HMGA2: variants seen among roughly 807,000 people sequenced by gnomAD.
HMGA2 encodes high mobility group AT-hook 2.
Under a neutral mutation model 19.1 loss-of-function variants are expected in HMGA2, and 8 were observed. The ratio of observed to expected loss-of-function variants is 0.42; its 90% CI spans 0.25 to 0.76. HMGA2 has a LOEUF of 0.76. Ranked by LOEUF, HMGA2 falls within the 30% of genes least tolerant of loss-of-function variation. HMGA2 has a pLI of 0.28. For missense variants in HMGA2, 109 were observed against 136.3 expected (o/e 0.80, Z 1.00); for synonymous variants, 60 against 48.8 (o/e 1.23, Z -0.96).
At chr12:65,913,936 A>G (rs1874957629) in intron 3 of HMGA2, among the ~76,000 whole-genome samples, 2 of 152,212 alleles carry the variant, frequency 1.3e-5, no homozygotes, top group Admixed American at 6.5e-5. Flanking sequence ...GTTGAACACA[A>G]TGTTGAGAAT....
chr12:65,852,594 C>G (rs1796450698), intron 3 of HMGA2, among the ~76,000 whole-genome samples: 1 of 152,154 alleles, frequency 6.6e-6, no homozygotes, highest in African/African-American at 2.4e-5. Context: ...TAACACTTAG[C>G]TTGCTATCTT....
At position 65,920,015 on chromosome 12, in the gene HMGA2, A is replaced by G. The variant is rs539719411; in HGVS notation, c.250-31368A>G. Among the ~76,000 whole-genome samples, 330 of 152,312 alleles carry G rather than the reference A, an allele frequency of 2.2e-3. 1 individual carries two copies. Among genetic ancestry groups the G allele is most frequent in the Middle Eastern group, 0.01 (3 of 294 alleles). The stretch of plus-strand genomic sequence containing the variant: ...TCCGGGAAGCTGATGTTTGGGAGAA[A>G]ATCATTTAGTTGTGGATGAAGTGAG... On this transcript the variant is annotated intron_variant, in intron 3 of 4. Transcript: ENST00000403681.
intron 4 of HMGA2, chr12:65,955,216 G>GT (rs1482150028): frequency 1.3e-5 from 2 of 151,982 alleles, no homozygotes; most frequent in Admixed American, 6.6e-5. Context: ...AAAGCAGCTC[G>GT]TTTTTTAGCA....
intron 3 of HMGA2, among the ~76,000 whole-genome samples, chr12:65,934,095 T>C (rs535044081): frequency 2.2e-4 from 34 of 152,312 alleles, no homozygotes; most frequent in African/African-American, 7.5e-4. Context: ...CCTCAAAGAA[T>C]AGGGAATTCT....
At chr12:65,922,263 C>G (rs149375493) in intron 3 of HMGA2, among the ~76,000 whole-genome samples, 1,602 of 152,248 alleles carry the variant, frequency 0.011, 26 homozygotes, top group African/African-American at 0.037. Flanking sequence ...AACACCAGCC[C>G]ATGAAAGCAG....
chr12:65,859,827 T>C (rs1014543940), intron 3 of HMGA2: 37 of 216,140 alleles, frequency 1.7e-4, no homozygotes, highest in African/African-American at 7.0e-4. Flanking sequence ...CTTACTCTTG[T>C]AGTCCCAGCA....
intron 3 of HMGA2, among the ~76,000 whole-genome samples, chr12:65,884,082 T>A (rs1873557337): frequency 6.6e-6 from 1 of 152,186 alleles, no homozygotes; most frequent in Non-Finnish European, 1.5e-5. Flanking sequence ...GCCAGGTTGG[T>A]CTTGAACTCC....
chr12:65,892,569 T>C (rs1003512915), intron 3 of HMGA2, among the ~76,000 whole-genome samples: 2 of 152,214 alleles, frequency 1.3e-5, no homozygotes, highest in African/African-American at 4.8e-5. Context: ...AAGGTCTCAG[T>C]TGGATCGCTT....
intron 3 of HMGA2, among the ~76,000 whole-genome samples, chr12:65,940,893 G>A (rs1876071163): frequency 6.6e-6 from 1 of 152,136 alleles, no homozygotes; most frequent in African/African-American, 2.4e-5. Flanking sequence ...TACAAACTAT[G>A]TGTCACTGTT....
chr12:65,952,314 C>T, intron 4 of HMGA2: 1 of 1,451,888 alleles, frequency 6.9e-7, no homozygotes, highest in South Asian at 1.2e-5. Context: ...ATTTTTTTCC[C>T]TAGAAGTCTT....
At chr12:65,935,744 C>CT (rs556648196) in intron 3 of HMGA2, among the ~76,000 whole-genome samples, 28 of 151,216 alleles carry the variant, frequency 1.9e-4, no homozygotes, top group African/African-American at 1.7e-4. Context: ...GAAAAAGAAG[C>CT]TTTTTTTTTC....
At position 65,824,564 on chromosome 12, in the gene HMGA2, C is replaced by T. The variant is rs1260040952; in HGVS notation, c.-707C>T. On this transcript the variant is annotated 5_prime_UTR_variant, in exon 1 of 5. Coordinates refer to ENST00000403681, the MANE Select transcript of HMGA2 (RefSeq NM_003483.6). ...CCGTCCCCCTCCGACTCTCCGGTGCCGCCGCTGCCTGCTCCCGCCACCCTA... is the reference window on the plus strand; with the variant it reads ...CCGTCCCCCTCCGACTCTCCGGTGCTGCCGCTGCCTGCTCCCGCCACCCTA... 3 of 233,556 alleles carry T rather than the reference C, an allele frequency of 1.3e-5. No homozygotes were observed. Among genetic ancestry groups the T allele is most frequent in the African/African-American group, 6.6e-5 (3 of 45,386 alleles). The allele number at this position is 233,556 out of a possible 1,614,324, so 14.5% of individuals were successfully genotyped here.
intron 3 of HMGA2, among the ~76,000 whole-genome samples, chr12:65,839,219 G>A (rs1300807396): frequency 6.6e-6 from 1 of 151,886 alleles, no homozygotes; most frequent in Non-Finnish European, 1.5e-5. Flanking sequence ...TATCTTTTGA[G>A]GCCAGAAATT....
At chr12:65,922,538 C>A (rs527350243) in intron 3 of HMGA2, among the ~76,000 whole-genome samples, 1 of 152,190 alleles carries the variant, frequency 6.6e-6, no homozygotes, top group Non-Finnish European at 1.5e-5. Flanking sequence ...AACTAGCTTG[C>A]TTTTAATTTT....
At chr12:65,952,452 C>T (rs1876490443) in intron 4 of HMGA2, 1 of 1,532,984 alleles carries the variant, frequency 6.5e-7, no homozygotes. Context: ...AACTTCCAAA[C>T]ACATGAAAGG....
At chr12:65,857,788 T>A (rs1305442188) in intron 3 of HMGA2, 3 of 152,238 alleles carry the variant, frequency 2.0e-5, no homozygotes, top group Non-Finnish European at 4.4e-5. Context: ...TTTAAATTAA[T>A]GTCTTTTAGC....
intron 3 of HMGA2, among the ~76,000 whole-genome samples, chr12:65,925,983 TAA>T (rs1168993499): frequency 6.6e-6 from 1 of 152,168 alleles, no homozygotes; most frequent in Non-Finnish European, 1.5e-5. Flanking sequence ...CTCTTTCCAT[TAA>T]GTCTATTTTT....
At chr12:65,911,237 G>C (rs537097235) in intron 3 of HMGA2, among the ~76,000 whole-genome samples, 1 of 152,318 alleles carries the variant, frequency 6.6e-6, no homozygotes, top group Non-Finnish European at 1.5e-5. Flanking sequence ...CTAGACTCAA[G>C]TGTTGGAGGT....
intron 3 of HMGA2, among the ~76,000 whole-genome samples, chr12:65,888,784 C>T (rs1228562821): frequency 3.3e-5 from 5 of 150,812 alleles, no homozygotes; most frequent in South Asian, 2.1e-4. Flanking sequence ...AGGATGGTCT[C>T]GACCTCCTGA....
Sources: gnomAD v4.1 joint callset for allele counts (sites outside exome capture counted in the v4.1 genomes callset) on GRCh38, gnomAD v4.1.1 for gene constraint, MANE v1.5 for transcripts, NCBI Gene and HGNC (gene_info 2026-07-23, HGNC 2026-07-21) for gene names.